The following TENM4 variants were observed in gnomAD, a reference collection of about 807,000 sequenced individuals.
The protein encoded by TENM4 is teneurin-4.
TENM4 carries 82 observed loss-of-function variants against 243.3 expected under a neutral mutation model. The observed-to-expected ratio is 0.34, with a 90% CI of 0.28 to 0.40. The LOEUF (loss-of-function observed/expected upper bound fraction) is 0.40, where lower values mean the gene tolerates loss of function less well. Among genes scored for constraint, TENM4 ranks in the 10% least tolerant of loss-of-function variants. The probability of loss-of-function intolerance (pLI) is 1.00; values close to 1 mark genes in which losing one functional copy is unlikely to be tolerated. For missense variants in TENM4, 3,138 were observed against 3,673.3 expected (o/e 0.85, Z 3.77); for synonymous variants, 1,412 against 1,456.3 (o/e 0.97, Z 0.69).
At chr11:79,237,144 C>A (rs879780082) in intron 2 of TENM4, among the ~76,000 whole-genome samples, 1 of 152,166 alleles carries the variant, frequency 6.6e-6, no homozygotes, top group Non-Finnish European at 1.5e-5. Flanking sequence ...TGAGCCAACA[C>A]CCGTCTGTCC....
At chr11:78,673,642 G>A (rs1403437007) in intron 30 of TENM4, among the ~76,000 whole-genome samples, 1 of 152,212 alleles carries the variant, frequency 6.6e-6, no homozygotes, top group South Asian at 2.1e-4. Context: ...TATAACAAGA[G>A]TTGTTGTGAA....
chr11:78,790,672 A>G (rs1328524759), intron 15 of TENM4, among the ~76,000 whole-genome samples: 2 of 152,174 alleles, frequency 1.3e-5, no homozygotes, highest in East Asian at 1.9e-4. Context: ...ACAGTACTTC[A>G]AGGCAGACAT....
At chr11:79,118,151 C>T (rs906592672) in intron 4 of TENM4, among the ~76,000 whole-genome samples, 5 of 152,076 alleles carry the variant, frequency 3.3e-5, no homozygotes, top group African/African-American at 1.2e-4. Flanking sequence ...AAGCAATAGG[C>T]ATGAGACCAC....
At chr11:78,724,211 A>G (rs912040261) in intron 23 of TENM4, among the ~76,000 whole-genome samples, 1 of 152,068 alleles carries the variant, frequency 6.6e-6, no homozygotes, top group African/African-American at 2.4e-5. Context: ...CAGCCTCCTG[A>G]GTAGCTGGGA....
intron 1 of TENM4, among the ~76,000 whole-genome samples, chr11:79,392,836 T>C (rs750888470): frequency 6.6e-6 from 1 of 152,218 alleles, no homozygotes; most frequent in Non-Finnish European, 1.5e-5. Context: ...TGTCTCTCCC[T>C]TTCTCTCCGT....
intron 2 of TENM4, among the ~76,000 whole-genome samples, chr11:79,236,627 C>G (rs1015772890): frequency 2.0e-5 from 3 of 152,168 alleles, no homozygotes; most frequent in African/African-American, 4.8e-5. Context: ...TCACTGGACT[C>G]TCATTATCTG....
At chr11:78,663,870 G>A (rs1341513881) in intron 32 of TENM4, among the ~76,000 whole-genome samples, 1 of 152,142 alleles carries the variant, frequency 6.6e-6, no homozygotes, top group Non-Finnish European at 1.5e-5. Context: ...CAAGAACCTC[G>A]TGTTTGCCTT....
chr11:78,935,987 C>G (rs1265371791), intron 6 of TENM4, among the ~76,000 whole-genome samples: 2 of 152,152 alleles, frequency 1.3e-5, no homozygotes, highest in Admixed American at 1.3e-4. Context: ...GTGAAAGCTT[C>G]GTGATTCCAT....
At chr11:79,233,986 G>A (rs577233022) in intron 2 of TENM4, among the ~76,000 whole-genome samples, 111 of 152,256 alleles carry the variant, frequency 7.3e-4, no homozygotes, top group African/African-American at 2.1e-3. Flanking sequence ...GGATCCCAAC[G>A]GAGGTTGTTC....
chr11:79,049,111 C>T (rs973023323), intron 6 of TENM4, among the ~76,000 whole-genome samples: 3 of 152,132 alleles, frequency 2.0e-5, no homozygotes, highest in Non-Finnish European at 2.9e-5. Flanking sequence ...TTCCTGCAGC[C>T]AGGCAGCACT....
At chr11:78,857,125 A>C (rs936912399) in intron 10 of TENM4, among the ~76,000 whole-genome samples, 1 of 152,206 alleles carries the variant, frequency 6.6e-6, no homozygotes, top group Admixed American at 6.5e-5. Context: ...CCTCCTGAAG[A>C]GTTGAGAAGG....
chr11:78,930,502 C>A (rs1408940294), intron 6 of TENM4, among the ~76,000 whole-genome samples: 3 of 152,206 alleles, frequency 2.0e-5, no homozygotes, highest in African/African-American at 7.2e-5. Flanking sequence ...AAGTGTTACT[C>A]ATCCATTAGC....
chr11:79,080,000 C>A (rs538194966), intron 4 of TENM4, among the ~76,000 whole-genome samples: 1 of 151,878 alleles, frequency 6.6e-6, no homozygotes, highest in Non-Finnish European at 1.5e-5. Context: ...GGGGCTGAAA[C>A]CTGCCTCCTT....
At chr11:79,031,534 C>T (rs1018459097) in intron 6 of TENM4, among the ~76,000 whole-genome samples, 4 of 152,156 alleles carry the variant, frequency 2.6e-5, no homozygotes, top group African/African-American at 9.7e-5. Flanking sequence ...AGAGAGCTCA[C>T]CGCTGCTGTC....
At chr11:79,097,819 AT>A (rs1413531251) in intron 4 of TENM4, 7 of 148,586 alleles carry the variant, frequency 4.7e-5, no homozygotes, top group Admixed American at 4.7e-4. Flanking sequence ...TTATATTAAC[AT>A]TTTGCTTTTT....
At chr11:79,184,259 G>A (rs941851497) in intron 3 of TENM4, among the ~76,000 whole-genome samples, 9 of 152,156 alleles carry the variant, frequency 5.9e-5, no homozygotes, top group Admixed American at 2.0e-4. Context: ...CTGGTTTCAT[G>A]GAAGACAATC....
intron 7 of TENM4, among the ~76,000 whole-genome samples, chr11:78,900,006 C>CA (rs1384136274): frequency 6.6e-6 from 1 of 152,222 alleles, no homozygotes; most frequent in African/African-American, 2.4e-5. Context: ...GCCATCCCCC[C>CA]ACAAGATGTC....
At chr11:78,704,157 GTCTATATATATATA>G (rs1565340558) in intron 27 of TENM4, among the ~76,000 whole-genome samples, 2 of 70,536 alleles carry the variant, frequency 2.8e-5, no homozygotes, top group African/African-American at 1.2e-4. Flanking sequence ...ATGTATGTGT[GTCTATATATATATA>G]TATATATATA....
chr11:79,230,985 TG>T (rs1450963429), intron 2 of TENM4, among the ~76,000 whole-genome samples: 1 of 152,190 alleles, frequency 6.6e-6, no homozygotes, highest in Admixed American at 6.5e-5. Context: ...TCACTGGGGT[TG>T]GGGAAAAGGT....
Sources: gnomAD v4.1 joint callset for allele counts (sites outside exome capture counted in the v4.1 genomes callset) on GRCh38, gnomAD v4.1.1 for gene constraint, MANE v1.5 for transcripts, NCBI Gene and HGNC (gene_info 2026-07-23, HGNC 2026-07-21) for gene names.